FER1L6: variants seen among roughly 807,000 people sequenced by gnomAD.
The protein encoded by FER1L6 is fer-1-like protein 6.
FER1L6 carries 177 observed loss-of-function variants against 219.2 expected under a neutral mutation model. The ratio of observed to expected loss-of-function variants is 0.81; its 90% CI spans 0.71 to 0.91. The LOEUF is 0.91. Ranked by LOEUF, FER1L6 falls within the 40% of genes least tolerant of loss-of-function variation. The pLI is 0.00. For synonymous variants in FER1L6, 768 were observed against 824.3 expected (o/e 0.93, Z 1.17); for missense variants, 2,153 against 2,259.9 (o/e 0.95, Z 0.96).
intron 1 of FER1L6, among the ~76,000 whole-genome samples, chr8:123,893,561 C>G (rs1376840025): frequency 6.6e-6 from 1 of 152,132 alleles, no homozygotes; most frequent in Non-Finnish European, 1.5e-5. Context: ...CTTAATTTCT[C>G]CAGAATTTGT....
At chr8:123,923,393 A>G (rs1016024556) in intron 1 of FER1L6, among the ~76,000 whole-genome samples, 1 of 152,210 alleles carries the variant, frequency 6.6e-6, no homozygotes, top group Non-Finnish European at 1.5e-5. Flanking sequence ...GTTGAACTAT[A>G]TGAAATTGCC....
chr8:124,046,568 TTAATA>T (rs1202783459), intron 21 of FER1L6: 1 of 152,180 alleles, frequency 6.6e-6, no homozygotes, highest in African/African-American at 2.4e-5. Context: ...GTTTCTTTAT[TTAATA>T]TCTCTACCTC....
At chr8:123,919,762 G>A (rs1467559092) in intron 1 of FER1L6, among the ~76,000 whole-genome samples, 1 of 152,156 alleles carries the variant, frequency 6.6e-6, no homozygotes, top group Non-Finnish European at 1.5e-5. Context: ...TAAAGCACAG[G>A]GATGCTCATG....
intron 1 of FER1L6, among the ~76,000 whole-genome samples, chr8:123,952,080 T>C (rs578165584): frequency 6.6e-6 from 1 of 151,424 alleles, no homozygotes; most frequent in Admixed American, 6.6e-5. Flanking sequence ...TGACATTACA[T>C]TAGCTACGTG....
chr8:123,949,867 G>C (rs1814678820), intron 1 of FER1L6, among the ~76,000 whole-genome samples: 1 of 152,164 alleles, frequency 6.6e-6, no homozygotes, highest in Non-Finnish European at 1.5e-5. Flanking sequence ...AGCAATATAT[G>C]GGAGGAAGAA....
chr8:124,091,375 G>T (rs367994994), intron 33 of FER1L6, 48 bp from the exon 34 acceptor site: 1 of 1,501,554 alleles, frequency 6.7e-7, no homozygotes, highest in Admixed American at 1.7e-5. Context: ...CATACTGGGT[G>T]GTTCTTTAAG....
At chr8:124,000,723 T>C (rs141338734) in intron 12 of FER1L6, among the ~76,000 whole-genome samples, 5 of 152,332 alleles carry the variant, frequency 3.3e-5, no homozygotes, top group African/African-American at 1.2e-4. Flanking sequence ...GGGAAAGCCA[T>C]TCCCAGAAAG....
At chr8:124,007,757 G>A (rs546902846) in intron 13 of FER1L6, among the ~76,000 whole-genome samples, 1 of 152,248 alleles carries the variant, frequency 6.6e-6, no homozygotes, top group South Asian at 2.1e-4. Context: ...ATATCAGATG[G>A]ATGGATGGAA....
intron 39 of FER1L6, among the ~76,000 whole-genome samples, chr8:124,106,485 T>C (rs1822782000): frequency 6.6e-6 from 1 of 151,400 alleles, no homozygotes; most frequent in Non-Finnish European, 1.5e-5. Flanking sequence ...TTAGTGTAGA[T>C]TCTCTAGAAA....
intron 29 of FER1L6, among the ~76,000 whole-genome samples, chr8:124,070,096 G>T (rs997330393): frequency 2.6e-5 from 4 of 152,084 alleles, no homozygotes; most frequent in Non-Finnish European, 5.9e-5. Context: ...CGCCTTATAT[G>T]TGTTCAGAAT....
chr8:123,866,231 C>T (rs1816836385), intron 1 of FER1L6, among the ~76,000 whole-genome samples: 2 of 151,838 alleles, frequency 1.3e-5, no homozygotes. Context: ...GCACGGTGTC[C>T]TTCCTTTCCA....
chr8:123,965,202 A>G (rs1401789503), intron 3 of FER1L6, among the ~76,000 whole-genome samples: 2 of 152,256 alleles, frequency 1.3e-5, no homozygotes, highest in African/African-American at 4.8e-5. Context: ...AACTCAGATC[A>G]GTCTGACTCC....
intron 1 of FER1L6, among the ~76,000 whole-genome samples, chr8:123,854,250 GA>G (rs1214933326): frequency 6.6e-6 from 1 of 152,060 alleles, no homozygotes; most frequent in African/African-American, 2.4e-5. Context: ...GAGAGGATGA[GA>G]AAAAAATATT....
chr8:124,081,054 GAGTA>G (rs781381789), intron 32 of FER1L6, among the ~76,000 whole-genome samples: 23 of 152,248 alleles, frequency 1.5e-4, no homozygotes, highest in Middle Eastern at 3.4e-3. Flanking sequence ...CTTCACTGGG[GAGTA>G]AGTGTCAGGG....
At chr8:124,008,950 A>G (rs1817790384) in intron 13 of FER1L6, among the ~76,000 whole-genome samples, 1 of 152,188 alleles carries the variant, frequency 6.6e-6, no homozygotes, top group African/African-American at 2.4e-5. Flanking sequence ...AAATGCACAA[A>G]TGCAAATCAA....
chr8:124,083,223 T>C (rs1324263435), intron 33 of FER1L6, among the ~76,000 whole-genome samples: 2 of 152,178 alleles, frequency 1.3e-5, no homozygotes, highest in Admixed American at 6.5e-5. Flanking sequence ...TGCCCTGTTG[T>C]GCTATCAGAT....
chr8:124,042,398 T>C (rs998859237), intron 20 of FER1L6, among the ~76,000 whole-genome samples: 1 of 152,254 alleles, frequency 6.6e-6, no homozygotes, highest in African/African-American at 2.4e-5. Flanking sequence ...GCATTTTATA[T>C]GCATCATTTG....
chr8:123,979,071 G>A (rs1454384552), intron 10 of FER1L6, among the ~76,000 whole-genome samples: 1 of 151,916 alleles, frequency 6.6e-6, no homozygotes, highest in African/African-American at 2.4e-5. Context: ...GTCTACTCAA[G>A]GAAGAGCTAG....
At position 123,972,211 on chromosome 8, in the gene FER1L6, G is replaced by A. The variant is rs549185246; in HGVS notation, c.448-1223G>A. Among the ~76,000 whole-genome samples the A allele has an allele frequency of 1.7e-4, 26 of 152,366 alleles. No individual in the cohort carries two copies. In the South Asian group the frequency reaches 3.3e-3, roughly 19 times the overall value. On this transcript the variant is annotated intron_variant, in intron 6 of 40. Transcript: ENST00000522917. ...CCATGGAAAATTTAGGTTAGGGAGA[G>A]AGAGTGGAAAGAGAAATGAGGAGGG... is the stretch of plus-strand genomic sequence containing the variant.
Sources: gnomAD v4.1 joint callset for allele counts (sites outside exome capture counted in the v4.1 genomes callset) on GRCh38, gnomAD v4.1.1 for gene constraint, MANE v1.5 for transcripts, NCBI Gene and HGNC (gene_info 2026-07-23, HGNC 2026-07-21) for gene names.